Variants in DCAF10 observed in about 807,000 individuals in gnomAD.
DCAF10 encodes DDB1 and CUL4 associated factor 10, also known as DDB1- and CUL4-associated factor 10.
DCAF10 carries 19 observed loss-of-function variants against 51.9 expected under a neutral mutation model. The observed-to-expected ratio is 0.37, with a 90% CI of 0.26 to 0.54. The LOEUF is 0.54. Ranked by LOEUF, DCAF10 falls within the 20% of genes least tolerant of loss-of-function variation. The pLI, the probability that DCAF10 is intolerant of heterozygous loss-of-function variation, is 0.87. For missense variants in DCAF10, 510 were observed against 730.6 expected, an observed-to-expected ratio of 0.70 and a Z score of 3.48; for synonymous variants, 291 against 297.1, an observed-to-expected ratio of 0.98 and a Z score of 0.21.
intron 1 of DCAF10, among the ~76,000 whole-genome samples, chr9:37,804,831 C>A: frequency 6.6e-6 from 1 of 151,428 alleles, no homozygotes. Flanking sequence ...AGAGTGATAG[C>A]CAATTAGTCT....
chr9:37,840,552 G>C (rs1459151772), intron 2 of DCAF10, among the ~76,000 whole-genome samples: 1 of 152,134 alleles, frequency 6.6e-6, no homozygotes, highest in East Asian at 1.9e-4. Context: ...TTGTACAGTT[G>C]TACAATGTGT....
intron 2 of DCAF10, among the ~76,000 whole-genome samples, chr9:37,826,014 G>A (rs10973570): frequency 0.19 from 28,669 of 149,114 alleles, 3,137 homozygotes; most frequent in African/African-American, 0.29. Flanking sequence ...CAGCCTGAGC[G>A]ACAGAGCGAG....
At chr9:37,807,714 C>G (rs1829165543) in intron 1 of DCAF10, among the ~76,000 whole-genome samples, 1 of 124,484 alleles carries the variant, frequency 8.0e-6, no homozygotes, top group South Asian at 2.5e-4. Flanking sequence ...CCAGGCTGGA[C>G]TGCAATGGCG....
intron 2 of DCAF10, chr9:37,836,491 T>G (rs1392142605): frequency 3.9e-6 from 4 of 1,023,286 alleles, no homozygotes; most frequent in Non-Finnish European, 6.2e-6. Flanking sequence ...TGAGATGATT[T>G]GAGTCTGCCC....
chr9:37,849,590 T>A (rs998197604), intron 3 of DCAF10, among the ~76,000 whole-genome samples: 6 of 151,730 alleles, frequency 4.0e-5, no homozygotes, highest in African/African-American at 1.5e-4. Flanking sequence ...TCTAAAAAAA[T>A]TTTAAAACAT....
Position 37,801,004 on chromosome 9 carries a change from T to C in DCAF10, c.138T>C (p.His46=). Residue 46 remains histidine, a synonymous_variant, in exon 1 of 7, where the codon CAT becomes CAC. Coordinates refer to ENST00000377724, the MANE Select transcript of DCAF10 (RefSeq NM_024345.5). The surrounding 1 kb of genome is among the most constrained non-coding windows in gnomAD (Gnocchi z 5.5). ...SPLHPGADAT[H]PPPPARSPRR... is the part of the protein sequence containing the mutation. Reference sequence around the variant, plus strand: ...TACATCCCGGGGCTGATGCGACCCATCCCCCTCCACCCGCCCGAAGCCCTC... The same window carrying C: ...TACATCCCGGGGCTGATGCGACCCACCCCCCTCCACCCGCCCGAAGCCCTC... The C allele has an allele frequency of 1.3e-6, 2 of 1,533,504 alleles. No homozygotes were observed. The highest frequency in any genetic ancestry group is 1.2e-5 in the South Asian group (1 of 82,518). 95.0% of individuals were successfully genotyped at this position (1,533,504 alleles called of 1,614,324 possible). A position where few individuals can be genotyped will look rare whatever the true frequency, so the allele number is the denominator to read the frequency against.
intron 3 of DCAF10, among the ~76,000 whole-genome samples, chr9:37,849,657 C>T (rs1020350771): frequency 2.0e-5 from 3 of 151,992 alleles, no homozygotes; most frequent in Non-Finnish European, 2.9e-5. Flanking sequence ...TTGAGGTGGG[C>T]AGATCATGAG....
intron 3 of DCAF10, among the ~76,000 whole-genome samples, chr9:37,853,350 T>A (rs974235877): frequency 1.4e-5 from 2 of 146,580 alleles, no homozygotes; most frequent in Non-Finnish European, 3.0e-5. Flanking sequence ...GAGGCAGAGG[T>A]TGCAGCGAGC....
chr9:37,811,303 G>A (rs7034355), intron 1 of DCAF10, among the ~76,000 whole-genome samples: 2,823 of 152,234 alleles, frequency 0.019, 81 homozygotes, highest in African/African-American at 0.064. Flanking sequence ...CTACACTTCA[G>A]CCTGGGTGAC....
chr9:37,854,791 A>T lies in DCAF10; in HGVS notation c.863A>T (p.Asp288Val). 1 of 1,613,930 alleles carries T rather than the reference A, an allele frequency of 6.2e-7. No individual in the cohort carries two copies. Among genetic ancestry groups the T allele is most frequent in the Non-Finnish European group, 8.5e-7 (1 of 1,179,942 alleles). The change falls in exon 4 of 7, where the codon GAT (aspartate) becomes GTT (valine). Residue 288 changes from aspartate to valine, a missense_variant. Transcript: ENST00000377724. ...GGTTTCTCCTGTAGGTATACAGAAG[A>T]TGGGTGTCCACATAAGAAATTCTTT... ...IIWDTNRYTE[D>V]GCPHKKFFHT... is the part of the protein sequence containing the mutation.
rs73646107 is a variant in DCAF10, at chr9:37,830,213, T to A, written c.653+10812T>A. 9.0e-3 allele frequency among the ~76,000 whole-genome samples: 1,363 copies of A among 152,288 alleles called. 21 individuals are homozygous for A. The highest frequency in any genetic ancestry group is 0.031 in the African/African-American group (1,303 of 41,570). On this transcript the variant is annotated intron_variant, in intron 2 of 6. Transcript: ENST00000377724. ...GATAAATGAACTAAAAGCATCAGCA[T>A]CTGATACACATCTCAGAAATTTAAA...
At position 37,817,082 on chromosome 9, in the gene DCAF10, G is replaced by C. The variant is rs7856937; in HGVS notation, c.540-2206G>C. Among the ~76,000 whole-genome samples the C allele has an allele frequency of 8.8e-3, 1,336 of 152,238 alleles. 21 individuals carry two copies. The highest frequency in any genetic ancestry group is 0.03 in the African/African-American group (1,250 of 41,536). ...AATATACAGTCGAAGAACAAAACTT[G>C]TATGTAGTGAAGATGGCATTATAAA... On this transcript the variant is annotated intron_variant, in intron 1 of 6. Coordinates refer to ENST00000377724, the MANE Select transcript of DCAF10 (RefSeq NM_024345.5).
At chr9:37,853,890 T>A (rs1830767948) in intron 3 of DCAF10, among the ~76,000 whole-genome samples, 1 of 152,078 alleles carries the variant, frequency 6.6e-6, no homozygotes, top group Non-Finnish European at 1.5e-5. Context: ...CTTATTGGCA[T>A]CAAAAATATG....
At chr9:37,835,962 C>G in intron 2 of DCAF10, 1 of 983,280 alleles carries the variant, frequency 1.0e-6, no homozygotes. Flanking sequence ...CTATATTGCC[C>G]TTAGAACTGT....
At position 37,848,972 on chromosome 9, in the gene DCAF10, CA is replaced by C. The variant is rs11421562; in HGVS notation, c.852-5789del. Reference sequence around the variant, plus strand: ...TGGGCGACACAGCGAGACTCTGTCTCAAAAAAAAAAAAAAAAAAACTTAATT... The same window carrying C: ...TGGGCGACACAGCGAGACTCTGTCTCAAAAAAAAAAAAAAAAAACTTAATT... On this transcript the variant is annotated intron_variant, in intron 3 of 6. Coordinates refer to ENST00000377724, the MANE Select transcript of DCAF10 (RefSeq NM_024345.5). Among the ~76,000 whole-genome samples, 225 of 84,750 alleles carry C rather than the reference CA, an allele frequency of 2.7e-3. 1 individual carries two copies. Among genetic ancestry groups the C allele is most frequent in the Admixed American group, 2.7e-3 (21 of 7,646 alleles). 55.6% of individuals were successfully genotyped at this position (84,750 alleles called of 152,430 possible).
At chr9:37,818,374 TTATTC>T (rs1422332400) in intron 1 of DCAF10, among the ~76,000 whole-genome samples, 91 of 152,310 alleles carry the variant, frequency 6.0e-4, no homozygotes, top group African/African-American at 2.1e-3. Context: ...TTTTGGCTAT[TTATTC>T]TATCTTATGT....
chr9:37,810,171 G>C (rs899506963), intron 1 of DCAF10, among the ~76,000 whole-genome samples: 1 of 151,942 alleles, frequency 6.6e-6, no homozygotes, highest in Admixed American at 6.6e-5. Context: ...AAAAAAGTTG[G>C]GGGGACAATT....
At chr9:37,824,724 G>A (rs543781165) in intron 2 of DCAF10, among the ~76,000 whole-genome samples, 3 of 151,874 alleles carry the variant, frequency 2.0e-5, no homozygotes, top group East Asian at 1.9e-4. Flanking sequence ...TTGCTCTATT[G>A]ATATATGTTT....
At chr9:37,843,872 T>G (rs192473360) in intron 3 of DCAF10, among the ~76,000 whole-genome samples, 1 of 152,212 alleles carries the variant, frequency 6.6e-6, no homozygotes, top group African/African-American at 2.4e-5. Context: ...TTAGATTAGA[T>G]TAAAAATAAA....
Sources: allele counts gnomAD v4.1 joint callset (sites outside exome capture counted in the v4.1 genomes callset), GRCh38; gene constraint gnomAD v4.1.1; non-coding constraint Gnocchi (gnomAD v3.1); transcripts MANE v1.5; gene names NCBI Gene and HGNC (gene_info 2026-07-23, HGNC 2026-07-21).